The following IGF1R variants were observed in gnomAD, a reference collection of about 807,000 sequenced individuals.
IGF1R encodes insulin-like growth factor 1 receptor.
A neutral mutation model predicts 144.6 loss-of-function variants in IGF1R; 44 were observed. That is an observed-to-expected ratio of 0.30 (90% CI 0.24 to 0.39). IGF1R has a LOEUF of 0.39. IGF1R is among the 10% of genes least tolerant of loss of function. The pLI is 1.00. For missense variants in IGF1R, 1,355 were observed against 1,833.7 expected (o/e 0.74, Z 4.77); for synonymous variants, 795 against 722.8 (o/e 1.10, Z -1.60).
rs555554030 is a variant in IGF1R, at chr15:98,679,533, C to CA, written c.95-28027dup. ...TAGGGATATCGTGTCTGTTGTAGTG[C>CA]AAGGCACTGCTCACGTGTTTGTGTT... On this transcript the variant is annotated intron_variant, in intron 1 of 20. Transcript: ENST00000650285. 5.0e-4 allele frequency among the ~76,000 whole-genome samples: 76 copies of CA among 152,268 alleles called. 1 individual carries two copies. The Middle Eastern group carries it at 0.01, about 20-fold the overall frequency.
At chr15:98,806,448 A>C (rs1353197047) in intron 2 of IGF1R, among the ~76,000 whole-genome samples, 1 of 152,294 alleles carries the variant, frequency 6.6e-6, no homozygotes, top group East Asian at 1.9e-4. Context: ...CTGTGGGCTT[A>C]AAGTGCCTTC....
intron 2 of IGF1R, among the ~76,000 whole-genome samples, chr15:98,809,499 C>T (rs200024675): frequency 2.0e-5 from 3 of 152,112 alleles, no homozygotes; most frequent in Admixed American, 2.0e-4. Context: ...GCCTGGTCTA[C>T]CGGGCAAGAA....
rs1250642880 is a variant in IGF1R at position 98,891,508 on chromosome 15, G to A, written c.824G>A (p.Arg275His). 2 of 1,613,630 alleles carry A rather than the reference G, an allele frequency of 1.2e-6. No homozygotes were observed. Among genetic ancestry groups the A allele is most frequent in the Non-Finnish European group, 1.7e-6 (2 of 1,180,014 alleles). Residue 275 changes from arginine (R) to histidine (H), a missense_variant, in exon 3 of 21, where the codon CGC (arginine) becomes CAC (histidine). Physicochemically the swap from Arg to His is conservative, Grantham distance 29. Around this residue, in one of 7 missense-constraint regions of IGF1R, gnomAD observed 880 missense variants for 1,202.7 expected, o/e 0.73. Coordinates refer to ENST00000650285, the MANE Select transcript of IGF1R (RefSeq NM_000875.5). This position sits in a 1 kb window ranked among gnomAD's most constrained non-coding sequence, Gnocchi z 4.7. ...PPNTYRFEGW[R>H]CVDRDFCANI... ...AACACCTACAGGTTTGAGGGCTGGC[G>A]CTGTGTGGACCGTGACTTCTGCGCC...
intron 2 of IGF1R, among the ~76,000 whole-genome samples, chr15:98,726,596 A>G (rs2054366197): frequency 6.6e-6 from 1 of 152,058 alleles, no homozygotes; most frequent in South Asian, 2.1e-4. Context: ...GTGACATAGT[A>G]TAGTTAAATT....
intron 1 of IGF1R, among the ~76,000 whole-genome samples, chr15:98,674,217 A>G (rs993386095): frequency 2.8e-4 from 43 of 152,360 alleles, no homozygotes; most frequent in African/African-American, 9.4e-4. Flanking sequence ...AGACATACCC[A>G]AAAGGCAAAA....
At chr15:98,696,820 G>A (rs1214132348) in intron 1 of IGF1R, among the ~76,000 whole-genome samples, 1 of 152,146 alleles carries the variant, frequency 6.6e-6, no homozygotes, top group Admixed American at 6.5e-5. Context: ...GCTGATGATG[G>A]GATTGGCCTT....
intron 1 of IGF1R, among the ~76,000 whole-genome samples, chr15:98,685,644 C>G (rs1241492685): frequency 6.6e-6 from 1 of 152,168 alleles, no homozygotes; most frequent in Non-Finnish European, 1.5e-5. Flanking sequence ...CCAAAGATGC[C>G]TCTGTGGGCT....
At chr15:98,845,667 C>G (rs2011301988) in intron 2 of IGF1R, among the ~76,000 whole-genome samples, 1 of 151,700 alleles carries the variant, frequency 6.6e-6, no homozygotes, top group African/African-American at 2.4e-5. Context: ...TGGCAATCTT[C>G]TGTTCTACTA....
chr15:98,710,134 GT>G (rs1436444959), intron 2 of IGF1R, among the ~76,000 whole-genome samples: 1 of 152,208 alleles, frequency 6.6e-6, no homozygotes, highest in Admixed American at 6.5e-5. Context: ...TGGTTAGAAG[GT>G]GGGCTCTGCT....
At chr15:98,719,907 G>C (rs1415785793) in intron 2 of IGF1R, among the ~76,000 whole-genome samples, 2 of 152,238 alleles carry the variant, frequency 1.3e-5, no homozygotes, top group Non-Finnish European at 2.9e-5. Context: ...GTAGAATAAA[G>C]AGCTGATGAA....
At chr15:98,946,373 CT>C (rs2016554999) in intron 19 of IGF1R, among the ~76,000 whole-genome samples, 1 of 152,064 alleles carries the variant, frequency 6.6e-6, no homozygotes, top group Admixed American at 6.6e-5. Flanking sequence ...TCTTTAAGCC[CT>C]GTTAAGGTTT....
In IGF1R at chr15:98,772,735, A is replaced by C. The variant is rs560844767; in HGVS notation, c.640+64628A>C. 4.6e-5 allele frequency among the ~76,000 whole-genome samples: 7 copies of C among 151,740 alleles called. No individual in the cohort carries two copies. In the East Asian group the frequency reaches 1.4e-3, roughly 29 times the overall value. On this transcript the variant is annotated intron_variant, in intron 2 of 20. Coordinates refer to ENST00000650285, the MANE Select transcript of IGF1R (RefSeq NM_000875.5). ...GCACTAGCCACTGTGCCCAGCCAAA[A>C]GGTCACTTTTTTTTTTTCCTTGTTG...
At chr15:98,658,296 TAAG>T (rs1420073828) in intron 1 of IGF1R, among the ~76,000 whole-genome samples, 1 of 152,218 alleles carries the variant, frequency 6.6e-6, no homozygotes, top group Admixed American at 6.5e-5. Context: ...AAGTGCCGCT[TAAG>T]AACACAGGAA....
chr15:98,671,506 G>T (rs915206068), intron 1 of IGF1R, among the ~76,000 whole-genome samples: 2 of 152,186 alleles, frequency 1.3e-5, no homozygotes, highest in South Asian at 2.1e-4. Context: ...GGTGGTAGGG[G>T]CATGGAGCTG....
At position 98,840,084 on chromosome 15, in the gene IGF1R, C is replaced by T. The variant is rs182173107; in HGVS notation, c.641-51241C>T. 1.7e-4 allele frequency among the ~76,000 whole-genome samples: 26 copies of T among 152,312 alleles called. No homozygotes were observed. The East Asian group carries it at 4.8e-3, about 28-fold the overall frequency. ...GATTAATTTTTGCCTACATTAATCA[C>T]TCTCCCTTGTTTTAATTGCACATTA... is the stretch of plus-strand genomic sequence containing the variant. On this transcript the variant is annotated intron_variant, in intron 2 of 20. Transcript: ENST00000650285.
chr15:98,711,311 C>A (rs898369393), intron 2 of IGF1R, among the ~76,000 whole-genome samples: 1 of 152,202 alleles, frequency 6.6e-6, no homozygotes, highest in African/African-American at 2.4e-5. Context: ...CTACGGAGAA[C>A]ATCTGGAGAA....
rs2151708743 is a variant in IGF1R, at chr15:98,935,508, T to C, written c.3297+82T>C. ...ATAATCTCCCTGCAAGGAAATGCTG[T>C]GTCTTTAAATCAGTTTACTTTCCAG... On this transcript the variant is annotated intron_variant, in intron 17 of 20. Coordinates refer to ENST00000650285, the MANE Select transcript of IGF1R (RefSeq NM_000875.5). The surrounding 1 kb of genome is among the most constrained non-coding windows in gnomAD (Gnocchi z 4.2). 4 of 838,606 alleles carry C rather than the reference T, an allele frequency of 4.8e-6. No individual in the cohort carries two copies. Among genetic ancestry groups the C allele is most frequent in the Non-Finnish European group, 6.1e-6 (3 of 495,134 alleles). The allele number at this position is 838,606 out of a possible 1,614,324, so 51.9% of individuals were successfully genotyped here.
chr15:98,901,647 C>T (rs1305117326), intron 5 of IGF1R, among the ~76,000 whole-genome samples: 3 of 152,288 alleles, frequency 2.0e-5, no homozygotes, highest in African/African-American at 7.2e-5. Flanking sequence ...AGATAAACAT[C>T]AGCAGTGCAA....
chr15:98,894,375 C>T (rs1567182420), intron 3 of IGF1R, among the ~76,000 whole-genome samples: 1 of 152,222 alleles, frequency 6.6e-6, no homozygotes, highest in Non-Finnish European at 1.5e-5. Flanking sequence ...ACACCATCGT[C>T]CATAGCAGCT....
Sources: allele counts gnomAD v4.1 joint callset (sites outside exome capture counted in the v4.1 genomes callset), GRCh38; gene constraint gnomAD v4.1.1; regional missense constraint gnomAD v4.1.1; non-coding constraint Gnocchi (gnomAD v3.1); transcripts MANE v1.5; gene names NCBI Gene and HGNC (gene_info 2026-07-23, HGNC 2026-07-21).